Variants in TEX14 observed in about 807,000 individuals in gnomAD.
The protein encoded by TEX14 is testis expressed 14, intercellular bridge forming factor.
In TEX14, 168 loss-of-function variants were observed where a neutral mutation model predicts 178.6. That is an observed-to-expected ratio of 0.94 (90% CI 0.83 to 1.07). The LOEUF (loss-of-function observed/expected upper bound fraction) is 1.07, where lower values mean the gene tolerates loss of function less well. TEX14 is among the 50% of genes least tolerant of loss of function. TEX14 has a pLI of 0.00. For synonymous variants in TEX14, 626 were observed against 634.1 expected (o/e 0.99, Z 0.19); for missense variants, 1,730 against 1,753.6 (o/e 0.99, Z 0.24).
At chr17:58,587,378 A>T (rs117810614) in intron 17 of TEX14, among the ~76,000 whole-genome samples, 6,379 of 141,230 alleles carry the variant, frequency 0.045, 181 homozygotes, top group Non-Finnish European at 0.064. Context: ...TCTAGAAATT[A>T]AAAAAAAAGC....
intron 4 of TEX14, 65 bp downstream of exon 4, chr17:58,622,782 G>A: frequency 6.7e-7 from 1 of 1,495,404 alleles, no homozygotes; most frequent in Non-Finnish European, 9.2e-7. Context: ...CTGACCACTG[G>A]GAGCCTGACT....
chr17:58,652,779 G>GT (rs2046867220), intron 1 of TEX14, among the ~76,000 whole-genome samples: 1 of 152,198 alleles, frequency 6.6e-6, no homozygotes. Context: ...TGTAAAGCTA[G>GT]ATAGTATAAC....
chr17:58,669,498 C>T (rs1005803280), intron 1 of TEX14, among the ~76,000 whole-genome samples: 5 of 151,724 alleles, frequency 3.3e-5, no homozygotes, highest in African/African-American at 1.2e-4. Flanking sequence ...TTTCGGAGGC[C>T]GAGGTTAAGT....
At chr17:58,641,459 T>C (rs1329430873) in intron 2 of TEX14, among the ~76,000 whole-genome samples, 2 of 143,382 alleles carry the variant, frequency 1.4e-5, no homozygotes, top group East Asian at 2.1e-4. Flanking sequence ...GCCTATGGAG[T>C]AGCCATTCTT....
At chr17:58,566,687 T>C (rs2044405934) in intron 26 of TEX14, among the ~76,000 whole-genome samples, 1 of 150,786 alleles carries the variant, frequency 6.6e-6, no homozygotes, top group South Asian at 2.1e-4. Flanking sequence ...TAATCCCAGC[T>C]ACTCAGGAGG....
intron 20 of TEX14, among the ~76,000 whole-genome samples, chr17:58,578,907 G>C (rs749651697): frequency 6.6e-6 from 1 of 152,238 alleles, no homozygotes; most frequent in Non-Finnish European, 1.5e-5. Flanking sequence ...TACGCTGTTT[G>C]GGTTTAGACG....
At position 58,684,820 on chromosome 17, in the gene TEX14, A is replaced by G. The variant is rs561606742; in HGVS notation, c.-2+7119T>C. On this transcript the variant is annotated intron_variant, in intron 1 of 31. Transcript: ENST00000349033. ...CAAAACCCTGTCTCCACTAAAAAATACAAAAATTAGCTGGGCGTGGTGTCT... is the reference window on the plus strand; with the variant it reads ...CAAAACCCTGTCTCCACTAAAAAATGCAAAAATTAGCTGGGCGTGGTGTCT... Among the ~76,000 whole-genome samples, 3 of 151,752 alleles carry G rather than the reference A, an allele frequency of 2.0e-5. No homozygotes were observed. In the South Asian group the frequency reaches 6.3e-4, roughly 32 times the overall value.
At chr17:58,601,626 G>A (rs1175438178) in intron 13 of TEX14, among the ~76,000 whole-genome samples, 180 bp downstream of exon 13, 1 of 152,154 alleles carries the variant, frequency 6.6e-6, no homozygotes, top group Non-Finnish European at 1.5e-5. Flanking sequence ...CCCAGGAAGT[G>A]GAGGTTGCAG....
intron 30 of TEX14, among the ~76,000 whole-genome samples, chr17:58,558,999 G>A (rs556615136): frequency 9.7e-4 from 148 of 152,094 alleles, no homozygotes; most frequent in African/African-American, 3.2e-3. Context: ...GTGAAACCCC[G>A]TCTCTACTAA....
At chr17:58,665,726 TCTTAAGAA>T (rs1425931984) in intron 1 of TEX14, among the ~76,000 whole-genome samples, 2 of 151,582 alleles carry the variant, frequency 1.3e-5, no homozygotes, top group Non-Finnish European at 2.9e-5. Context: ...CCCAAAGCAT[TCTTAAGAA>T]CCAAAAGAAA....
chr17:58,570,467 A>C lies in TEX14; in HGVS notation c.3735T>G (p.Phe1245Leu). The C allele has an allele frequency of 6.6e-7, 1 of 1,525,562 alleles. No homozygotes were observed. 94.5% of individuals were successfully genotyped at this position (1,525,562 alleles called of 1,614,324 possible). A position where few individuals can be genotyped will look rare whatever the true frequency, so the allele number is the denominator to read the frequency against. The change falls in exon 25 of 32, where the codon TTT becomes TTG. Residue 1245 changes from phenylalanine (F) to leucine (L), a missense_variant. Physicochemically the swap from Phe to Leu is conservative, Grantham distance 22. This residue lies in a region of TEX14 where 941 missense variants were observed against 1,072.4 expected (regional missense o/e 0.88). Transcript: ENST00000349033. ...CAAGGCTGGGGGATCCAGCCCCAAT[A>C]AATGAAGACAATCTTTTCTATAAGG... ...RLTGLKRLSS[F>L]IGAGSPSLVK...
At chr17:58,577,489 A>ATT (rs762398226) in intron 20 of TEX14, 33 bp from the exon 21 acceptor site, 14 of 751,936 alleles carry the variant, frequency 1.9e-5, no homozygotes, top group South Asian at 6.1e-5. Flanking sequence ...ATATATATAT[A>ATT]TTTTTTTTTA....
At position 58,662,415 on chromosome 17, in the gene TEX14, T is replaced by TCACACACACA. The variant is rs200980242; in HGVS notation, c.-1-10423_-1-10414dup. Among the ~76,000 whole-genome samples the TCACACACACA allele has an allele frequency of 5.1e-3, 583 of 114,982 alleles. 2 individuals carry two copies. Among genetic ancestry groups the TCACACACACA allele is most frequent in the Middle Eastern group, 0.016 (3 of 184 alleles). The allele number at this position is 114,982 out of a possible 152,430, so 75.4% of individuals were successfully genotyped here. Reference sequence around the variant, plus strand: ...TGTACAGATATATAGCACACATATCTCACACACACACACACACACACACAC... The same window carrying TCACACACACA: ...TGTACAGATATATAGCACACATATCTCACACACACACACACACACACACACACACACACAC... On this transcript the variant is annotated intron_variant, in intron 1 of 31. Transcript: ENST00000349033.
chr17:58,565,540 G>A (rs2044378750), intron 27 of TEX14, among the ~76,000 whole-genome samples: 1 of 152,158 alleles, frequency 6.6e-6, no homozygotes, highest in African/African-American at 2.4e-5. Context: ...TGTACTTCAT[G>A]AGACAGAAAT....
rs190774248 is a variant in TEX14, at chr17:58,592,379, G to A, written c.2576+1176C>T. On this transcript the variant is annotated intron_variant, in intron 15 of 31. Transcript: ENST00000349033. The stretch of plus-strand genomic sequence containing the variant: ...AGACGGAGTCTTGCTCTATCGCCCA[G>A]GCTGGACTGCAGTGGCGCGATCTCC... 1.4e-3 allele frequency among the ~76,000 whole-genome samples: 206 copies of A among 150,246 alleles called. 2 individuals are homozygous for A. The highest frequency in any genetic ancestry group is 4.4e-3 in the South Asian group (21 of 4,746).
intron 2 of TEX14, among the ~76,000 whole-genome samples, chr17:58,643,768 A>G (rs2046627901): frequency 6.9e-6 from 1 of 145,876 alleles, no homozygotes; most frequent in African/African-American, 2.5e-5. Context: ...GCTAATAGGG[A>G]GGCTGAGGCA....
At chr17:58,660,534 G>A (rs372009281) in intron 1 of TEX14, 7 of 741,030 alleles carry the variant, frequency 9.4e-6, no homozygotes, top group African/African-American at 5.2e-5. Context: ...TTTCCTTGGC[G>A]GGGAAGGTGT....
At chr17:58,653,647 A>G (rs2046886178) in intron 1 of TEX14, among the ~76,000 whole-genome samples, 1 of 152,132 alleles carries the variant, frequency 6.6e-6, no homozygotes, top group Admixed American at 6.5e-5. Flanking sequence ...CCATCTCCTT[A>G]TTCTGCAGCC....
intron 1 of TEX14, chr17:58,661,610 C>A: frequency 1.4e-6 from 1 of 705,894 alleles, no homozygotes; most frequent in Non-Finnish European, 2.6e-6. Flanking sequence ...CTTGGGAAGG[C>A]TGATGCGAAA....
Sources: gnomAD v4.1 joint callset for allele counts (sites outside exome capture counted in the v4.1 genomes callset) on GRCh38, gnomAD v4.1.1 for gene constraint, gnomAD v4.1.1 regional missense constraint, MANE v1.5 for transcripts, NCBI Gene and HGNC (gene_info 2026-07-23, HGNC 2026-07-21) for gene names.